Variants in ITSN1 observed in about 807,000 individuals in gnomAD.
ITSN1 encodes intersectin 1.
In ITSN1, 58 loss-of-function variants were observed where a neutral mutation model predicts 239.8. The observed-to-expected ratio is 0.24, with a 90% CI of 0.20 to 0.30. The LOEUF is 0.30. Among genes scored for constraint, ITSN1 ranks in the 10% least tolerant of loss-of-function variants. The probability of loss-of-function intolerance (pLI) is 1.00; values close to 1 mark genes in which losing one functional copy is unlikely to be tolerated. For synonymous variants in ITSN1, 780 were observed against 770.8 expected (o/e 1.01, Z -0.20); for missense variants, 1,558 against 2,103.3 (o/e 0.74, Z 5.07).
At position 33,881,945 on chromosome 21, in the gene ITSN1, C is replaced by CAA. The variant is rs370697945; in HGVS notation, c.4342-281_4342-280dup. Among the ~76,000 whole-genome samples, 531 of 88,282 alleles carry CAA rather than the reference C, an allele frequency of 6.0e-3. 5 individuals are homozygous for CAA. The highest frequency in any genetic ancestry group is 0.011 in the South Asian group (31 of 2,790). The allele number at this position is 88,282 out of a possible 152,430, so 57.9% of individuals were successfully genotyped here. On this transcript the variant is annotated intron_variant, in intron 34 of 39. Coordinates refer to ENST00000381318, the MANE Select transcript of ITSN1 (RefSeq NM_003024.3). ...TGGGCAACATAGTGAGACCCTGTCT[C>CAA]AAAAAAAAAAAAAAAAAAGAAAAGA...
intron 1 of ITSN1, among the ~76,000 whole-genome samples, chr21:33,703,437 A>G (rs541088971): frequency 1.8e-4 from 27 of 152,320 alleles, no homozygotes; most frequent in Middle Eastern, 3.4e-3. Context: ...ACATTATCCA[A>G]ACTTGAAGAA....
chr21:33,643,272 C>G (rs942376714), intron 1 of ITSN1: 7 of 151,324 alleles, frequency 4.6e-5, no homozygotes, highest in African/African-American at 1.5e-4. Context: ...GGCCCCAGGG[C>G]GCGCCGCGGG....
chr21:33,718,704 G>A (rs545044347), intron 1 of ITSN1, 93 bp from the exon 2 acceptor site: 163 of 807,522 alleles, frequency 2.0e-4, no homozygotes, highest in Non-Finnish European at 3.1e-4. Context: ...TCTAGTATTA[G>A]TCCTCTGACC....
At chr21:33,741,151 C>T (rs1357918286) in intron 5 of ITSN1, among the ~76,000 whole-genome samples, 3 of 152,098 alleles carry the variant, frequency 2.0e-5, no homozygotes, top group Non-Finnish European at 2.9e-5. Context: ...TAACTGGTTG[C>T]GCAGTATGCT....
chr21:33,666,033 A>C (rs887743957), intron 1 of ITSN1, among the ~76,000 whole-genome samples: 6 of 151,506 alleles, frequency 4.0e-5, no homozygotes, highest in African/African-American at 7.3e-5. Flanking sequence ...GGTTCAAGCT[A>C]TTCTCGTGCC....
intron 21 of ITSN1, 41 bp from the exon 22 acceptor site, chr21:33,813,872 G>C: frequency 6.3e-7 from 1 of 1,588,086 alleles, no homozygotes; most frequent in Non-Finnish European, 8.6e-7. Flanking sequence ...TGGTATATTA[G>C]GGAGTGCTTG....
intron 12 of ITSN1, among the ~76,000 whole-genome samples, chr21:33,772,559 A>C (rs1386544426): frequency 6.6e-6 from 1 of 152,110 alleles, no homozygotes; most frequent in Non-Finnish European, 1.5e-5. Flanking sequence ...CATTAATTTT[A>C]CTTTCTATCT....
At position 33,718,873 on chromosome 21, in the gene ITSN1, T is replaced by C; in HGVS notation, c.28+17T>C. On this transcript the variant is annotated intron_variant, in intron 2 of 39. Transcript: ENST00000381318. ...CTTTTGGTGGTAAGTTTTCAGAAATTTCTCTTTTTAATGTACTTTGGGACC... is the reference window on the plus strand; with the variant it reads ...CTTTTGGTGGTAAGTTTTCAGAAATCTCTCTTTTTAATGTACTTTGGGACC... 6.2e-7 allele frequency: 1 copy of C among 1,609,642 alleles called. No homozygotes were observed.
intron 24 of ITSN1, among the ~76,000 whole-genome samples, chr21:33,819,963 T>C (rs994153190): frequency 3.9e-5 from 6 of 152,106 alleles, no homozygotes; most frequent in Non-Finnish European, 7.4e-5. Flanking sequence ...CAGTCCGGCC[T>C]GGGCGACAGA....
In ITSN1 at chr21:33,789,655, C is replaced by T. The variant is rs140676982; in HGVS notation, c.1825-4686C>T. On this transcript the variant is annotated intron_variant, in intron 16 of 39. Transcript: ENST00000381318. ...AAAGGAATCCTATATATTGTTCAGGCGCATGCTACTTTATATTTCAAGTAA... is the reference window on the plus strand; with the variant it reads ...AAAGGAATCCTATATATTGTTCAGGTGCATGCTACTTTATATTTCAAGTAA... 4.5e-3 allele frequency among the ~76,000 whole-genome samples: 689 copies of T among 152,162 alleles called. 4 individuals are homozygous for T. The highest frequency in any genetic ancestry group is 5.2e-3 in the Non-Finnish European group (356 of 67,982).
At chr21:33,725,120 A>AT (rs1393697813) in intron 4 of ITSN1, among the ~76,000 whole-genome samples, 1,279 of 117,200 alleles carry the variant, frequency 0.011, 3 homozygotes, top group Middle Eastern at 0.025. Flanking sequence ...AAAAAAAAAA[A>AT]TTTTTTTTTT....
At chr21:33,795,859 T>C (rs1395542249) in intron 17 of ITSN1, among the ~76,000 whole-genome samples, 1 of 151,962 alleles carries the variant, frequency 6.6e-6, no homozygotes, top group African/African-American at 2.4e-5. Flanking sequence ...GTATTCCAAT[T>C]ATATAGATAA....
intron 34 of ITSN1, among the ~76,000 whole-genome samples, chr21:33,879,012 C>T (rs1254159018): frequency 2.0e-5 from 3 of 152,108 alleles, no homozygotes; most frequent in Admixed American, 6.6e-5. Flanking sequence ...GGGGGACTCT[C>T]GGGCCCTGGA....
At chr21:33,675,380 G>C (rs144674874) in intron 1 of ITSN1, among the ~76,000 whole-genome samples, 133 of 151,996 alleles carry the variant, frequency 8.8e-4, no homozygotes, top group Middle Eastern at 3.4e-3. Context: ...TAGCCAACAC[G>C]GTGAAACCCT....
At chr21:33,873,542 C>T (rs1441009703) in intron 33 of ITSN1, among the ~76,000 whole-genome samples, 1 of 152,222 alleles carries the variant, frequency 6.6e-6, no homozygotes. Flanking sequence ...GGCTATTAAC[C>T]TCTCCATTTC....
intron 29 of ITSN1, among the ~76,000 whole-genome samples, chr21:33,846,734 C>T (rs144479932): frequency 7.2e-5 from 11 of 152,278 alleles, no homozygotes; most frequent in South Asian, 4.1e-4. Flanking sequence ...GGGCAGGACA[C>T]GTCACAGTGT....
chr21:33,662,438 T>A (rs1322209688), intron 1 of ITSN1, among the ~76,000 whole-genome samples: 1 of 152,234 alleles, frequency 6.6e-6, no homozygotes, highest in Non-Finnish European at 1.5e-5. Flanking sequence ...ATTTTGAACC[T>A]TCTTATACCT....
intron 26 of ITSN1, among the ~76,000 whole-genome samples, chr21:33,827,237 A>C (rs933817827): frequency 3.3e-5 from 5 of 151,966 alleles, no homozygotes; most frequent in Non-Finnish European, 7.4e-5. Context: ...GGTCTGTACC[A>C]AAAAATAGAA....
At chr21:33,764,442 T>C (rs2068579462) in intron 9 of ITSN1, among the ~76,000 whole-genome samples, 1 of 151,902 alleles carries the variant, frequency 6.6e-6, no homozygotes, top group African/African-American at 2.4e-5. Context: ...TGCATTTCTT[T>C]TTAAAACTGG....
Sources: allele counts gnomAD v4.1 joint callset (sites outside exome capture counted in the v4.1 genomes callset), GRCh38; gene constraint gnomAD v4.1.1; transcripts MANE v1.5; gene names NCBI Gene and HGNC (gene_info 2026-07-23, HGNC 2026-07-21).